The following KCNN3 variants were observed in gnomAD, a reference collection of about 807,000 sequenced individuals.
KCNN3 encodes small conductance calcium-activated potassium channel protein 3.
Under a neutral mutation model 62.9 loss-of-function variants are expected in KCNN3, and 16 were observed. The ratio of observed to expected loss-of-function variants is 0.25; its 90% CI spans 0.17 to 0.39. The LOEUF (loss-of-function observed/expected upper bound fraction) is 0.39, where lower values mean the gene tolerates loss of function less well. KCNN3 is among the 10% of genes least tolerant of loss of function. The pLI is 1.00. For missense variants in KCNN3, 599 were observed against 949.4 expected, an observed-to-expected ratio of 0.63 and a Z score of 4.85; for synonymous variants, 370 against 389.2, an observed-to-expected ratio of 0.95 and a Z score of 0.58.
At chr1:154,836,260 C>T (rs191969752) in intron 1 of KCNN3, among the ~76,000 whole-genome samples, 1 of 152,228 alleles carries the variant, frequency 6.6e-6, no homozygotes, top group Non-Finnish European at 1.5e-5. Flanking sequence ...AGGACTCCCA[C>T]AGTACCCCTG....
At chr1:154,834,104 G>A (rs551754277) in intron 1 of KCNN3, among the ~76,000 whole-genome samples, 5 of 152,310 alleles carry the variant, frequency 3.3e-5, no homozygotes, top group African/African-American at 1.2e-4. Flanking sequence ...CCAAACACAG[G>A]CTATTAATAG....
chr1:154,764,489 T>C (rs1648169353), intron 3 of KCNN3, among the ~76,000 whole-genome samples: 1 of 152,214 alleles, frequency 6.6e-6, no homozygotes, highest in South Asian at 2.1e-4. Flanking sequence ...AATATATGGC[T>C]GATGCTACTG....
At position 154,714,051 on chromosome 1, in the gene KCNN3, GGTGT is replaced by G. The variant is rs780964707; in HGVS notation, c.1830-522_1830-519del. ...TGTGTGTGATGTGTGGTGTGTGCGG[GGTGT>G]GTGTGTGTGTGGTGTTTGTGTGTGG... On this transcript the variant is annotated intron_variant, in intron 6 of 7. Transcript: ENST00000271915. Among the ~76,000 whole-genome samples, 17 of 73,954 alleles carry G rather than the reference GGTGT, an allele frequency of 2.3e-4. 1 individual carries two copies. The highest frequency in any genetic ancestry group is 8.0e-4 in the East Asian group (2 of 2,502). 48.5% of individuals were successfully genotyped at this position (73,954 alleles called of 152,430 possible).
chr1:154,849,451 A>T (rs1558006428), intron 1 of KCNN3, among the ~76,000 whole-genome samples: 2 of 152,208 alleles, frequency 1.3e-5, no homozygotes, highest in African/African-American at 4.8e-5. Flanking sequence ...ATCACAGCTG[A>T]CTAAGCATGC....
chr1:154,756,529 C>CG (rs1215427274), intron 3 of KCNN3, among the ~76,000 whole-genome samples: 1 of 151,982 alleles, frequency 6.6e-6, no homozygotes, highest in African/African-American at 2.4e-5. Flanking sequence ...TCCTTCCCCC[C>CG]GGCTCCTTGC....
intron 2 of KCNN3, among the ~76,000 whole-genome samples, chr1:154,775,601 A>C (rs1648756996): frequency 9.2e-6 from 1 of 109,122 alleles, no homozygotes; most frequent in Non-Finnish European, 1.7e-5. Context: ...TCCTGAAGGG[A>C]AACTACAGGG....
intron 3 of KCNN3, among the ~76,000 whole-genome samples, chr1:154,760,551 C>G (rs928325640): frequency 2.6e-5 from 4 of 152,182 alleles, no homozygotes; most frequent in Non-Finnish European, 4.4e-5. Context: ...TCCTCCACAG[C>G]GAGTCCCTGC....
In KCNN3 at chr1:154,726,095, A is replaced by T. The variant is rs1404117943; in HGVS notation, c.1591-69T>A. ...ATTAAGAGGCAAGATGAGAGACTCA[A>T]CACGCCTGGCGGCCACGGGGGTAAT... On this transcript the variant is annotated intron_variant, in intron 4 of 7. Transcript: ENST00000271915. 5.8e-6 allele frequency: 7 copies of T among 1,214,804 alleles called. No homozygotes were observed. In the East Asian group the frequency reaches 1.4e-4, roughly 25 times the overall value. The allele number at this position is 1,214,804 out of a possible 1,614,324, so 75.3% of individuals were successfully genotyped here.
intron 3 of KCNN3, among the ~76,000 whole-genome samples, chr1:154,738,546 G>A (rs537777966): frequency 6.6e-6 from 1 of 152,312 alleles, no homozygotes; most frequent in Admixed American, 6.5e-5. Flanking sequence ...AGGAAGACAA[G>A]GAATAAAGGT....
At chr1:154,802,382 G>A (rs528652695) in intron 2 of KCNN3, among the ~76,000 whole-genome samples, 1 of 152,316 alleles carries the variant, frequency 6.6e-6, no homozygotes, top group Admixed American at 6.5e-5. Context: ...GAGCCAGGAA[G>A]GAGGGGAGTT....
chr1:154,852,387 T>TG (rs1370081583), intron 1 of KCNN3, among the ~76,000 whole-genome samples: 4 of 151,492 alleles, frequency 2.6e-5, no homozygotes, highest in Non-Finnish European at 5.9e-5. Flanking sequence ...TTTTTTTTTT[T>TG]TTAGAGAGAT....
chr1:154,867,406 G>A (rs1479667682), intron 1 of KCNN3, among the ~76,000 whole-genome samples: 1 of 152,162 alleles, frequency 6.6e-6, no homozygotes, highest in Non-Finnish European at 1.5e-5. Flanking sequence ...GCTGCCCTCC[G>A]CTGGGGCAGC....
At chr1:154,756,717 T>A (rs537861283) in intron 3 of KCNN3, among the ~76,000 whole-genome samples, 70 of 152,304 alleles carry the variant, frequency 4.6e-4, no homozygotes, top group African/African-American at 7.2e-4. Context: ...AATTTTTTTT[T>A]AAAAAAGAAT....
chr1:154,739,766 TC>T (rs1340983762), intron 3 of KCNN3, among the ~76,000 whole-genome samples: 1 of 152,254 alleles, frequency 6.6e-6, no homozygotes, highest in African/African-American at 2.4e-5. Flanking sequence ...TGGATCACTC[TC>T]CCTGGGAGAA....
chr1:154,715,650 A>G (rs976914812), intron 5 of KCNN3, among the ~76,000 whole-genome samples: 18 of 147,392 alleles, frequency 1.2e-4, no homozygotes, highest in African/African-American at 4.5e-4. Flanking sequence ...TTTCAATACT[A>G]TCTCTTGACT....
chr1:154,737,358 T>C (rs1315039474), intron 3 of KCNN3, among the ~76,000 whole-genome samples: 1 of 152,098 alleles, frequency 6.6e-6, no homozygotes, highest in East Asian at 1.9e-4. Flanking sequence ...ATGAAATAAA[T>C]GAGAGATACA....
intron 1 of KCNN3, among the ~76,000 whole-genome samples, chr1:154,836,777 C>T (rs11264273): frequency 0.22 from 33,404 of 152,188 alleles, 3,860 homozygotes; most frequent in Middle Eastern, 0.26. Flanking sequence ...CGAGAGCCGC[C>T]GCCCCTGGGC....
At chr1:154,718,286 G>T (rs1700273359) in intron 5 of KCNN3, among the ~76,000 whole-genome samples, 1 of 152,132 alleles carries the variant, frequency 6.6e-6, no homozygotes, top group Non-Finnish European at 1.5e-5. Context: ...CCAAAAAATT[G>T]CTTTCACTCT....
chr1:154,837,117 T>G (rs1287078971), intron 1 of KCNN3, among the ~76,000 whole-genome samples: 1 of 151,838 alleles, frequency 6.6e-6, no homozygotes, highest in Non-Finnish European at 1.5e-5. Context: ...TTTTTTTTTT[T>G]GAGACAGAGT....
Sources: gnomAD v4.1 joint callset for allele counts (sites outside exome capture counted in the v4.1 genomes callset) on GRCh38, gnomAD v4.1.1 for gene constraint, MANE v1.5 for transcripts, NCBI Gene and HGNC (gene_info 2026-07-23, HGNC 2026-07-21) for gene names.